The following ALDH3A2 variants were observed in gnomAD, a reference collection of about 807,000 sequenced individuals.
The protein encoded by ALDH3A2 is aldehyde dehydrogenase family 3 member A2.
ALDH3A2 carries 36 observed loss-of-function variants against 51.3 expected under a neutral mutation model. The ratio of observed to expected loss-of-function variants is 0.70; its 90% CI spans 0.54 to 0.93. ALDH3A2 has a LOEUF of 0.93. ALDH3A2 is among the 40% of genes least tolerant of loss of function. The pLI is 0.00. For synonymous variants in ALDH3A2, 199 were observed against 219.8 expected, an observed-to-expected ratio of 0.91 and a Z score of 0.84; for missense variants, 552 against 603.1, an observed-to-expected ratio of 0.92 and a Z score of 0.89.
chr17:19,650,664 A>G (rs776225155), intron 1 of ALDH3A2, among the ~76,000 whole-genome samples: 2 of 151,862 alleles, frequency 1.3e-5, no homozygotes, highest in Admixed American at 6.6e-5. Flanking sequence ...TGTGTTAGCC[A>G]GGATGGTCTC....
intron 8 of ALDH3A2, among the ~76,000 whole-genome samples, chr17:19,666,398 A>G (rs1167164089): frequency 6.6e-6 from 1 of 152,118 alleles, no homozygotes; most frequent in Non-Finnish European, 1.5e-5. Flanking sequence ...ACTGCCCTCT[A>G]ATTGCAAATC....
At chr17:19,660,386 T>C (rs983128769) in intron 5 of ALDH3A2, among the ~76,000 whole-genome samples, 2 of 152,058 alleles carry the variant, frequency 1.3e-5, no homozygotes, top group Non-Finnish European at 2.9e-5. Context: ...CACCCAGACT[T>C]GAGAATTGCT....
chr17:19,656,175 T>A, intron 3 of ALDH3A2, 191 bp from the exon 4 acceptor site: 1 of 638,846 alleles, frequency 1.6e-6, no homozygotes, highest in Non-Finnish European at 2.8e-6. Flanking sequence ...GGGTTCATGC[T>A]TCCCAGATGC....
chr17:19,663,723 C>A (rs547371079), intron 7 of ALDH3A2, among the ~76,000 whole-genome samples: 2 of 152,304 alleles, frequency 1.3e-5, no homozygotes, highest in Admixed American at 1.3e-4. Context: ...CGGGTTAGAT[C>A]TGAGTCTGCA....
chr17:19,666,420 G>C lies in ALDH3A2; in HGVS notation c.1207+1373G>C, dbSNP rs377700072. Among the ~76,000 whole-genome samples the C allele has an allele frequency of 2.4e-4, 36 of 152,180 alleles. No homozygotes were observed. In the East Asian group the frequency reaches 6.4e-3, roughly 27 times the overall value. The stretch of plus-strand genomic sequence containing the variant: ...TCTAATTGCAAATCTAAGTGACTTG[G>C]GTTCAGTCCCTGTCCTACTTGACAA... On this transcript the variant is annotated intron_variant, in intron 8 of 9. Coordinates refer to ENST00000176643, the MANE Select transcript of ALDH3A2 (RefSeq NM_000382.3).
At chr17:19,666,772 G>A (rs1324468138) in intron 8 of ALDH3A2, among the ~76,000 whole-genome samples, 8 of 140,444 alleles carry the variant, frequency 5.7e-5, no homozygotes, top group Non-Finnish European at 9.1e-5. Context: ...GCGAGACTCC[G>A]ATCTCAAAAT....
At chr17:19,672,351 C>T (rs1459267012) in intron 9 of ALDH3A2, 1 of 232,526 alleles carries the variant, frequency 4.3e-6, no homozygotes, top group East Asian at 9.8e-5. Context: ...CTTTCCTTGT[C>T]ACTTACAGCT....
chr17:19,668,360 G>A (rs995190934), intron 8 of ALDH3A2, among the ~76,000 whole-genome samples: 2 of 152,024 alleles, frequency 1.3e-5, no homozygotes, highest in African/African-American at 4.8e-5. Context: ...CAATTCTCCT[G>A]CCCCAACCTC....
At chr17:19,657,591 G>A in intron 4 of ALDH3A2, 154 bp from the exon 5 acceptor site, 1 of 686,836 alleles carries the variant, frequency 1.5e-6, no homozygotes, top group East Asian at 2.7e-5. Flanking sequence ...CCAAACAACT[G>A]ATTTAGAAAT....
chr17:19,669,352 C>T (rs944345644), intron 8 of ALDH3A2, among the ~76,000 whole-genome samples: 1 of 152,080 alleles, frequency 6.6e-6, no homozygotes, highest in African/African-American at 2.4e-5. Flanking sequence ...TTTAGAATGC[C>T]ATACGCTGCA....
intron 8 of ALDH3A2, among the ~76,000 whole-genome samples, chr17:19,665,862 C>T (rs2085030301): frequency 6.6e-6 from 1 of 152,238 alleles, no homozygotes; most frequent in African/African-American, 2.4e-5. Flanking sequence ...GTTCTATCCT[C>T]TCCCTTTGTA....
Position 19,654,858 on chromosome 17 carries a change from G to A in ALDH3A2, c.472-1508G>A, listed in dbSNP as rs750543087. 8.5e-5 allele frequency among the ~76,000 whole-genome samples: 13 copies of A among 152,094 alleles called. No individual in the cohort carries two copies. Among genetic ancestry groups the A allele is most frequent in the Non-Finnish European group, 1.9e-4 (13 of 67,998 alleles). On this transcript the variant is annotated intron_variant, in intron 3 of 9. Coordinates refer to ENST00000176643, the MANE Select transcript of ALDH3A2 (RefSeq NM_000382.3). The surrounding 1 kb of genome is among the most constrained non-coding windows in gnomAD (Gnocchi z 4.5). Reference sequence around the variant, plus strand: ...GAGAGCGAGCAAGGGTTGCCCGCACGCTCTCACCTCTCACCCAGCCTATAA... The same window carrying A: ...GAGAGCGAGCAAGGGTTGCCCGCACACTCTCACCTCTCACCCAGCCTATAA...
chr17:19,671,673 T>G, intron 8 of ALDH3A2, 48 bp from the exon 9 acceptor site: 1 of 1,526,710 alleles, frequency 6.6e-7, no homozygotes. Flanking sequence ...CAGAAGTAGC[T>G]TGCATCATCT....
chr17:19,673,039 TCAA>T (rs1016127262), intron 9 of ALDH3A2: 176 of 1,425,558 alleles, frequency 1.2e-4, no homozygotes, highest in Middle Eastern at 1.7e-4. Flanking sequence ...AGACTCCATC[TCAA>T]CAACAACAAC....
intron 5 of ALDH3A2, among the ~76,000 whole-genome samples, chr17:19,658,583 C>T (rs929282212): frequency 6.6e-6 from 1 of 151,580 alleles, no homozygotes; most frequent in Non-Finnish European, 1.5e-5. Context: ...AAAAATCAGC[C>T]GGGGATGGTG....
Position 19,664,887 on chromosome 17 carries a change from G to A in ALDH3A2, c.1108-61G>A, listed in dbSNP as rs1047602295. 1.1e-5 allele frequency: 13 copies of A among 1,136,412 alleles called. No homozygotes were observed. The African/African-American group carries it at 2.0e-4, about 17-fold the overall frequency. The allele number at this position is 1,136,412 out of a possible 1,614,324, so 70.4% of individuals were successfully genotyped here. A position where few individuals can be genotyped will look rare whatever the true frequency, so the allele number is the denominator to read the frequency against. Reference sequence around the variant, plus strand: ...GAGCACACAGCCCTCTGTGTGGTGGGGCCATGAGTGTTCCCTAAGGGGCAA... The same window carrying A: ...GAGCACACAGCCCTCTGTGTGGTGGAGCCATGAGTGTTCCCTAAGGGGCAA... On this transcript the variant is annotated intron_variant, in intron 7 of 9. Coordinates refer to ENST00000176643, the MANE Select transcript of ALDH3A2 (RefSeq NM_000382.3).
At chr17:19,665,375 T>TTGTGTGTGTGTGTG (rs1894935848) in intron 8 of ALDH3A2, among the ~76,000 whole-genome samples, 1 of 116,410 alleles carries the variant, frequency 8.6e-6, no homozygotes. Flanking sequence ...AGATCTCTCT[T>TTGTGTGTGTGTGTG]CGTGTGTGTG....
At chr17:19,653,834 A>G (rs2084854899) in intron 3 of ALDH3A2, among the ~76,000 whole-genome samples, 2 of 152,126 alleles carry the variant, frequency 1.3e-5, no homozygotes, top group Non-Finnish European at 2.9e-5. Context: ...CCCCACCCGC[A>G]TCCTGCTGAT....
At chr17:19,650,042 G>A (rs138986545) in intron 1 of ALDH3A2, 2,020 of 152,442 alleles carry the variant, frequency 0.013, 26 homozygotes, top group Non-Finnish European at 0.021. Context: ...CTCCTCAGTA[G>A]CTGGGATTAC....
Sources: allele counts gnomAD v4.1 joint callset (sites outside exome capture counted in the v4.1 genomes callset), GRCh38; gene constraint gnomAD v4.1.1; non-coding constraint Gnocchi (gnomAD v3.1); transcripts MANE v1.5; gene names NCBI Gene and HGNC (gene_info 2026-07-23, HGNC 2026-07-21).